CNTNAP5: variants seen among roughly 807,000 people sequenced by gnomAD.
CNTNAP5 encodes the protein contactin-associated protein-like 5.
In CNTNAP5, 72 loss-of-function variants were observed where a neutral mutation model predicts 150.2. That is an observed-to-expected ratio of 0.48 (90% CI 0.40 to 0.58). The LOEUF (loss-of-function observed/expected upper bound fraction) is 0.58, where lower values mean the gene tolerates loss of function less well. CNTNAP5 is among the 20% of genes least tolerant of loss of function. The pLI, the probability that CNTNAP5 is intolerant of heterozygous loss-of-function variation, is 0.00. For synonymous variants in CNTNAP5, 672 were observed against 619.8 expected, an observed-to-expected ratio of 1.08 and a Z score of -1.25; for missense variants, 1,636 against 1,626.2, an observed-to-expected ratio of 1.01 and a Z score of -0.10.
chr2:124,081,808 G>A lies in CNTNAP5; in HGVS notation c.82+56076G>A, dbSNP rs1005210798. Among the ~76,000 whole-genome samples, 23 of 152,318 alleles carry A rather than the reference G, an allele frequency of 1.5e-4. No homozygotes were observed. The South Asian group carries it at 2.3e-3, about 15-fold the overall frequency. On this transcript the variant is annotated intron_variant, in intron 1 of 23. Transcript: ENST00000682447. ...GTTGTAGATTCACACGCGGTTGTAA[G>A]AAATAGTGAGAGATCCTGTGTTTCC...
chr2:124,475,745 C>G (rs1268789291), intron 7 of CNTNAP5, among the ~76,000 whole-genome samples: 2 of 152,026 alleles, frequency 1.3e-5, no homozygotes, highest in African/African-American at 4.8e-5. Flanking sequence ...TGTAACTTTT[C>G]CCATCCTTTT....
chr2:124,903,639 C>T (rs1339347107), intron 22 of CNTNAP5, among the ~76,000 whole-genome samples: 1 of 152,144 alleles, frequency 6.6e-6, no homozygotes, highest in East Asian at 1.9e-4. Context: ...CACAGTTACC[C>T]TTTGTGAGTG....
At chr2:124,715,444 T>G in intron 13 of CNTNAP5, among the ~76,000 whole-genome samples, 1 of 152,184 alleles carries the variant, frequency 6.6e-6, no homozygotes, top group Non-Finnish European at 1.5e-5. Context: ...AAATTTATTA[T>G]GATCCTGAAT....
At chr2:124,763,644 CT>C (rs981535448) in intron 14 of CNTNAP5, 27 bp from the exon 15 acceptor site, 3 of 1,600,074 alleles carry the variant, frequency 1.9e-6, no homozygotes, top group Non-Finnish European at 8.5e-7. Context: ...ATTTTGTCCT[CT>C]TTTTTTCTTA....
chr2:124,181,569 G>T (rs192507098), intron 1 of CNTNAP5, among the ~76,000 whole-genome samples: 1 of 152,162 alleles, frequency 6.6e-6, no homozygotes, highest in South Asian at 2.1e-4. Flanking sequence ...CAGGTTAAGT[G>T]GATAAAGTGT....
chr2:124,662,843 C>T (rs1252163400), intron 13 of CNTNAP5, among the ~76,000 whole-genome samples: 2 of 152,194 alleles, frequency 1.3e-5, no homozygotes, highest in Non-Finnish European at 2.9e-5. Context: ...TATATTATTG[C>T]ATATGATACA....
At chr2:124,449,685 G>C (rs186392622) in intron 6 of CNTNAP5, among the ~76,000 whole-genome samples, 26 of 152,282 alleles carry the variant, frequency 1.7e-4, no homozygotes, top group South Asian at 1.0e-3. Context: ...TAGGAAAGAG[G>C]CACCTTGAAA....
chr2:124,127,448 T>C (rs1033813069), intron 1 of CNTNAP5, among the ~76,000 whole-genome samples: 7 of 152,128 alleles, frequency 4.6e-5, no homozygotes, highest in Admixed American at 4.6e-4. Context: ...TGCTCATGGA[T>C]AGGAAGAATC....
In CNTNAP5 at chr2:124,446,932, T is replaced by C; in HGVS notation, c.913T>C (p.Tyr305His). Residue 305 changes from tyrosine to histidine, a missense_variant, in exon 6 of 24, where the codon TAT becomes CAT. Transcript: ENST00000682447. ...CGAGACGGATGCCTTAGACATTGAC[T>C]ATGAGGTGAGTTGATCCTCCTTCCT... is the stretch of plus-strand genomic sequence containing the variant. The part of the protein sequence containing the change: ...KGETDALDID[Y>H]ELSFGGIPVP... 1 of 1,612,756 alleles carries C rather than the reference T, an allele frequency of 6.2e-7. No individual in the cohort carries two copies. Among genetic ancestry groups the C allele is most frequent in the Non-Finnish European group, 8.5e-7 (1 of 1,179,126 alleles).
intron 7 of CNTNAP5, among the ~76,000 whole-genome samples, chr2:124,489,826 A>G (rs539920298): frequency 6.6e-4 from 101 of 152,208 alleles, no homozygotes; most frequent in African/African-American, 2.4e-3. Context: ...GTGAAGGCAA[A>G]GGGGATATTC....
intron 1 of CNTNAP5, among the ~76,000 whole-genome samples, chr2:124,158,255 G>A (rs1684591260): frequency 6.6e-6 from 1 of 152,156 alleles, no homozygotes; most frequent in Non-Finnish European, 1.5e-5. Flanking sequence ...GAGTTGATGA[G>A]ATAATGTACA....
intron 13 of CNTNAP5, among the ~76,000 whole-genome samples, chr2:124,706,674 G>A (rs1679644369): frequency 6.6e-6 from 1 of 151,444 alleles, no homozygotes; most frequent in Non-Finnish European, 1.5e-5. Context: ...TTGAACCTGG[G>A]AGGTGGAGGT....
At position 124,664,811 on chromosome 2, in the gene CNTNAP5, C is replaced by T. The variant is rs182020793; in HGVS notation, c.2077+16853C>T. ...AAGCGATTCTTCTGCTTCAGCCTCC[C>T]GAGTAGCTGGGATTACAGGCATGTG... is the stretch of plus-strand genomic sequence containing the variant. On this transcript the variant is annotated intron_variant, in intron 13 of 23. Transcript: ENST00000682447. Among the ~76,000 whole-genome samples the T allele has an allele frequency of 3.4e-3, 521 of 152,304 alleles. 2 individuals are homozygous for T. Among genetic ancestry groups the T allele is most frequent in the Non-Finnish European group, 5.3e-3 (358 of 68,026 alleles).
intron 3 of CNTNAP5, among the ~76,000 whole-genome samples, chr2:124,384,491 A>T (rs578172819): frequency 1.3e-5 from 2 of 152,340 alleles, no homozygotes; most frequent in East Asian, 1.9e-4. Context: ...GAAGATGCTT[A>T]TCAAGTAACT....
At chr2:124,584,034 T>A (rs551928605) in intron 11 of CNTNAP5, among the ~76,000 whole-genome samples, 2 of 152,290 alleles carry the variant, frequency 1.3e-5, no homozygotes, top group South Asian at 4.1e-4. Context: ...CAGCATCTGA[T>A]GAGAAGACAA....
chr2:124,849,904 G>A (rs747506910), intron 19 of CNTNAP5, among the ~76,000 whole-genome samples: 1 of 152,020 alleles, frequency 6.6e-6, no homozygotes, highest in African/African-American at 2.4e-5. Flanking sequence ...TCTATGATGG[G>A]GGCTAAGGAA....
chr2:124,760,930 G>A (rs1372510108), intron 14 of CNTNAP5, among the ~76,000 whole-genome samples: 1 of 152,068 alleles, frequency 6.6e-6, no homozygotes, highest in Admixed American at 6.6e-5. Flanking sequence ...CTGATCCCCA[G>A]AGTGACCTCA....
chr2:124,442,942 G>A (rs925651453), intron 5 of CNTNAP5, among the ~76,000 whole-genome samples: 14 of 152,044 alleles, frequency 9.2e-5, no homozygotes, highest in Non-Finnish European at 1.2e-4. Context: ...AAGCTAGACC[G>A]TATGTTGTTG....
chr2:124,329,201 C>G (rs114492753), intron 3 of CNTNAP5, among the ~76,000 whole-genome samples: 6,839 of 152,038 alleles, frequency 0.045, 226 homozygotes, highest in Non-Finnish European at 0.071. Context: ...TCATTGTGAA[C>G]AAAGATTATT....
Sources: allele counts gnomAD v4.1 joint callset (sites outside exome capture counted in the v4.1 genomes callset), GRCh38; gene constraint gnomAD v4.1.1; transcripts MANE v1.5; gene names NCBI Gene and HGNC (gene_info 2026-07-23, HGNC 2026-07-21).